ADGRE5: variants seen among roughly 807,000 people sequenced by gnomAD.
ADGRE5 encodes the protein adhesion G protein-coupled receptor E5.
ADGRE5 carries 72 observed loss-of-function variants against 100.3 expected under a neutral mutation model. The ratio of observed to expected loss-of-function variants is 0.72; its 90% CI spans 0.59 to 0.87. The LOEUF (loss-of-function observed/expected upper bound fraction) is 0.87, where lower values mean the gene tolerates loss of function less well. ADGRE5 is among the 40% of genes least tolerant of loss of function. The pLI is 0.00. For missense variants in ADGRE5, 959 were observed against 1,094.7 expected, an observed-to-expected ratio of 0.88 and a Z score of 1.75; for synonymous variants, 439 against 447.8, an observed-to-expected ratio of 0.98 and a Z score of 0.25.
Position 14,402,623 on chromosome 19 carries a change from A to T in ADGRE5, c.1210A>T (p.Ile404Phe), listed in dbSNP as rs1256956910. The change falls in exon 12 of 20, where the codon ATC becomes TTC. Residue 404 changes from isoleucine to phenylalanine, a missense_variant. Coordinates refer to ENST00000242786, the MANE Select transcript of ADGRE5 (RefSeq NM_078481.4). ...CCCCGCCGTGGCGGGCATCCTCTCC[A>T]TCCAGAACATGACGACATTGCTGGC... ...PGPAVAGILS[I>F]QNMTTLLANA... 6.2e-7 allele frequency: 1 copy of T among 1,613,990 alleles called. No homozygotes were observed. Among genetic ancestry groups the T allele is most frequent in the Non-Finnish European group, 8.5e-7 (1 of 1,180,012 alleles).
chr19:14,407,859 C>T (rs1976339159), intron 18 of ADGRE5, 49 bp from the exon 19 acceptor site: 1 of 1,498,344 alleles, frequency 6.7e-7, no homozygotes, highest in South Asian at 1.1e-5. Context: ...GAGGAGCGTG[C>T]ATGGTCCCAG....
chr19:14,408,545 G>A lies in ADGRE5; in HGVS notation c.*424G>A, dbSNP rs1435847867. ...CCCTCTTAAGCTAAGACTGATGTCA[G>A]AGGCCCCATGGCGAGGCCCCTTGGG... On this transcript the variant is annotated 3_prime_UTR_variant, in exon 20 of 20. Coordinates refer to ENST00000242786, the MANE Select transcript of ADGRE5 (RefSeq NM_078481.4). 1 of 431,200 alleles carries A rather than the reference G, an allele frequency of 2.3e-6. No individual in the cohort carries two copies. The highest frequency in any genetic ancestry group is 3.8e-5 in the East Asian group (1 of 26,362). The allele number at this position is 431,200 out of a possible 1,614,324, so 26.7% of individuals were successfully genotyped here. A position where few individuals can be genotyped will look rare whatever the true frequency, so the allele number is the denominator to read the frequency against.
At chr19:14,392,150 T>C (rs1396075311) in intron 4 of ADGRE5, among the ~76,000 whole-genome samples, 2 of 150,866 alleles carry the variant, frequency 1.3e-5, no homozygotes, top group Non-Finnish European at 2.9e-5. Context: ...GGCTCATGCC[T>C]GTAATCCCAA....
At chr19:14,394,434 C>T (rs1233757850) in intron 4 of ADGRE5, among the ~76,000 whole-genome samples, 1 of 152,128 alleles carries the variant, frequency 6.6e-6, no homozygotes, top group Admixed American at 6.5e-5. Context: ...CCCCCTGTCT[C>T]CAGGCATCTC....
At position 14,407,198 on chromosome 19, in the gene ADGRE5, T is replaced by A; in HGVS notation, c.2345T>A (p.Leu782His). The A allele has an allele frequency of 6.2e-7, 1 of 1,614,026 alleles. No homozygotes were observed. Among genetic ancestry groups the A allele is most frequent in the South Asian group, 1.1e-5 (1 of 91,084 alleles). The change falls in exon 18 of 20, where the codon CTC (leucine) becomes CAC (histidine). Residue 782 changes from leucine to histidine, a missense_variant. Physicochemically the swap from Leu to His is moderately conservative, Grantham distance 99. This residue lies in a region of ADGRE5 where 428 missense variants were observed against 386.2 expected (regional missense o/e 1.11). Coordinates refer to ENST00000242786, the MANE Select transcript of ADGRE5 (RefSeq NM_078481.4). Reference protein sequence around the residue: ...TILNCLQGAFLYLLHCLLNKK... With the variant: ...TILNCLQGAFHYLLHCLLNKK... Reference sequence around the variant, plus strand: ...CTCAACTGCCTGCAGGGCGCCTTCCTCTACCTGCTGCACTGCCTGCTCAAC... The same window carrying A: ...CTCAACTGCCTGCAGGGCGCCTTCCACTACCTGCTGCACTGCCTGCTCAAC...
intron 4 of ADGRE5, among the ~76,000 whole-genome samples, chr19:14,393,808 C>T (rs531332193): frequency 9.7e-4 from 148 of 152,262 alleles, no homozygotes; most frequent in African/African-American, 3.4e-3. Context: ...CCCAGGGCCC[C>T]CTTGCAAGTG....
chr19:14,391,315 C>T (rs1975594273), intron 4 of ADGRE5: 15 of 572,278 alleles, frequency 2.6e-5, no homozygotes, highest in South Asian at 2.0e-4. Context: ...AAGTGTATGA[C>T]GTTGGCCAGG....
intron 4 of ADGRE5, among the ~76,000 whole-genome samples, chr19:14,394,222 G>T (rs868409674): frequency 6.6e-6 from 1 of 152,174 alleles, no homozygotes; most frequent in South Asian, 2.1e-4. Flanking sequence ...ATCAAAGCAG[G>T]TGATGGAGCC....
At chr19:14,400,237 G>T (rs1301791974) in intron 9 of ADGRE5, among the ~76,000 whole-genome samples, 1 of 151,828 alleles carries the variant, frequency 6.6e-6, no homozygotes, top group Non-Finnish European at 1.5e-5. Context: ...AGCCAGGATG[G>T]TCTCGATCTC....
chr19:14,403,992 C>T (rs1478519797), intron 12 of ADGRE5, among the ~76,000 whole-genome samples: 1 of 150,780 alleles, frequency 6.6e-6, no homozygotes, highest in Non-Finnish European at 1.5e-5. Context: ...TTCTCCTGCC[C>T]AGGACTCCCA....
At chr19:14,400,273 G>A (rs911286506) in intron 9 of ADGRE5, among the ~76,000 whole-genome samples, 1 of 151,824 alleles carries the variant, frequency 6.6e-6, no homozygotes, top group African/African-American at 2.4e-5. Flanking sequence ...ACCCACCTTG[G>A]CCTCCCAAAG....
At position 14,406,797 on chromosome 19, in the gene ADGRE5, C is replaced by G. The variant is rs768847602; in HGVS notation, c.2115+31C>G. On this transcript the variant is annotated intron_variant, in intron 16 of 19. Transcript: ENST00000242786. This position sits in a 1 kb window ranked among gnomAD's most constrained non-coding sequence, Gnocchi z 6.0. The stretch of plus-strand genomic sequence containing the variant: ...TACCCACTCTCCCTCCACCGAAGCC[C>G]GAGCGCCACAGGCCCAGGCCCGGCT... The G allele has an allele frequency of 6.2e-7, 1 of 1,612,580 alleles. No individual in the cohort carries two copies.
chr19:14,401,847 C>A lies in ADGRE5; in HGVS notation c.1183+87C>A. The A allele has an allele frequency of 2.2e-6, 2 of 910,354 alleles. No individual in the cohort carries two copies. The highest frequency in any genetic ancestry group is 1.6e-6 in the Non-Finnish European group (1 of 625,654). The allele number at this position is 910,354 out of a possible 1,614,324, so 56.4% of individuals were successfully genotyped here. A position where few individuals can be genotyped will look rare whatever the true frequency, so the allele number is the denominator to read the frequency against. On this transcript the variant is annotated intron_variant, in intron 11 of 19. Transcript: ENST00000242786. This position sits in a 1 kb window ranked among gnomAD's most constrained non-coding sequence, Gnocchi z 4.1. ...CAGGGTGAGGTTCAGAATAGAACAACTGACTGGGCGCGGTGGCTCACGCCT... is the reference window on the plus strand; with the variant it reads ...CAGGGTGAGGTTCAGAATAGAACAAATGACTGGGCGCGGTGGCTCACGCCT...
chr19:14,403,663 C>CA (rs1029213246), intron 12 of ADGRE5, among the ~76,000 whole-genome samples: 1 of 151,680 alleles, frequency 6.6e-6, no homozygotes, highest in African/African-American at 2.4e-5. Flanking sequence ...TAATTAAAAA[C>CA]AAAAAAATTA....
In ADGRE5 at chr19:14,406,364, C is replaced by T; in HGVS notation, c.1855C>T (p.Leu619=). 1.9e-6 allele frequency: 3 copies of T among 1,582,676 alleles called. No individual in the cohort carries two copies. The highest frequency in any genetic ancestry group is 2.6e-6 in the Non-Finnish European group (3 of 1,166,002). The change falls in exon 15 of 20, where the codon CTG becomes TTG. Residue 619 remains leucine, a synonymous_variant. Coordinates refer to ENST00000242786, the MANE Select transcript of ADGRE5 (RefSeq NM_078481.4). The surrounding 1 kb of genome is among the most constrained non-coding windows in gnomAD (Gnocchi z 6.0). ...GCGCTGCCGCCTGGTGGCCGGGCTG[C>T]TGCACTACTGTTTCCTGGCCGCCTT... is the stretch of plus-strand genomic sequence containing the variant. ...GLRCRLVAGL[L]HYCFLAAFCW... is the part of the protein sequence containing the mutation.
At chr19:14,397,548 C>T (rs1351421987) in intron 6 of ADGRE5, 110 bp from the exon 7 acceptor site, 43 of 1,580,308 alleles carry the variant, frequency 2.7e-5, no homozygotes, top group Non-Finnish European at 3.5e-5. Flanking sequence ...CCAGCGTCCA[C>T]CACTCCAAGG....
chr19:14,401,414 T>G lies in ADGRE5; in HGVS notation c.926T>G (p.Met309Arg), dbSNP rs761208416. The G allele has an allele frequency of 3.1e-6, 5 of 1,613,986 alleles. No homozygotes were observed. The East Asian group carries it at 1.1e-4, about 36-fold the overall frequency. Residue 309 changes from methionine (M) to arginine (R), a missense_variant, in exon 10 of 20, where the codon ATG becomes AGG. Around this residue, in one of 6 missense-constraint regions of ADGRE5, gnomAD observed 69 missense variants for 135.0 expected, o/e 0.51. Coordinates refer to ENST00000242786, the MANE Select transcript of ADGRE5 (RefSeq NM_078481.4). This position sits in a 1 kb window ranked among gnomAD's most constrained non-coding sequence, Gnocchi z 4.1. Reference protein sequence around the residue: ...QNVIKLVDELMEAPGDVEALA... With the variant: ...QNVIKLVDELREAPGDVEALA... ...GTCATCAAATTGGTGGATGAACTGA[T>G]GGAAGCTCCTGGAGACGTAGAGGCC...
chr19:14,390,290 G>A (rs1277914238), intron 3 of ADGRE5, among the ~76,000 whole-genome samples: 1 of 151,794 alleles, frequency 6.6e-6, no homozygotes, highest in Non-Finnish European at 1.5e-5. Context: ...CTTAAGACTG[G>A]GGAGGGGGTA....
At chr19:14,391,873 G>T (rs1975612615) in intron 4 of ADGRE5, among the ~76,000 whole-genome samples, 4 of 152,036 alleles carry the variant, frequency 2.6e-5, no homozygotes, top group African/African-American at 7.2e-5. Context: ...CGAGGTGGGT[G>T]GATCACAACG....
Sources: allele counts gnomAD v4.1 joint callset (sites outside exome capture counted in the v4.1 genomes callset), GRCh38; gene constraint gnomAD v4.1.1; regional missense constraint gnomAD v4.1.1; non-coding constraint Gnocchi (gnomAD v3.1); transcripts MANE v1.5; gene names NCBI Gene and HGNC (gene_info 2026-07-23, HGNC 2026-07-21).